The following FBXW7 variants were observed in gnomAD, a reference collection of about 807,000 sequenced individuals.
The protein encoded by FBXW7 is F-box/WD repeat-containing protein 7.
Under a neutral mutation model 86.3 loss-of-function variants are expected in FBXW7, and 11 were observed. The observed-to-expected ratio is 0.13, with a 90% confidence interval of 0.08 to 0.21. The LOEUF is 0.21. Ranked by LOEUF, FBXW7 falls within the 10% of genes least tolerant of loss-of-function variation. The pLI, the probability that FBXW7 is intolerant of heterozygous loss-of-function variation, is 1.00. For missense variants in FBXW7, 488 were observed against 847.4 expected (o/e 0.58, Z 5.27); for synonymous variants, 313 against 297.9 (o/e 1.05, Z -0.52).
At chr4:152,457,915 C>T (rs1742578353) in intron 2 of FBXW7, among the ~76,000 whole-genome samples, 1 of 151,212 alleles carries the variant, frequency 6.6e-6, no homozygotes, top group South Asian at 2.1e-4. Context: ...TTCTCTTCTA[C>T]TCATATCTTC....
At chr4:152,519,822 A>G (rs1748840172) in intron 2 of FBXW7, among the ~76,000 whole-genome samples, 1 of 152,226 alleles carries the variant, frequency 6.6e-6, no homozygotes, top group African/African-American at 2.4e-5. Flanking sequence ...ATGCATGATT[A>G]AAAGCATAGA....
chr4:152,327,252 C>G (rs1211072429), intron 11 of FBXW7, among the ~76,000 whole-genome samples: 1 of 152,004 alleles, frequency 6.6e-6, no homozygotes, highest in Non-Finnish European at 1.5e-5. Context: ...CAGTATAGCA[C>G]ACTGTTCAAA....
At chr4:152,457,938 A>G (rs1742581794) in intron 2 of FBXW7, among the ~76,000 whole-genome samples, 1 of 125,628 alleles carries the variant, frequency 8.0e-6, no homozygotes, top group Admixed American at 7.8e-5. Flanking sequence ...CACCCCTACT[A>G]AAAAAAAAAA....
At chr4:152,350,307 G>C (rs924512945) in intron 4 of FBXW7, among the ~76,000 whole-genome samples, 183 bp from the exon 5 acceptor site, 2 of 151,520 alleles carry the variant, frequency 1.3e-5, no homozygotes, top group African/African-American at 4.8e-5. Context: ...TGAATGGAAT[G>C]GAAAGGTGAA....
At chr4:152,405,095 T>TAAAAAAA (rs11394424) in intron 4 of FBXW7, among the ~76,000 whole-genome samples, 1 of 79,052 alleles carries the variant, frequency 1.3e-5, no homozygotes, top group African/African-American at 5.1e-5. Flanking sequence ...GACCTTGTCT[T>TAAAAAAA]AAAAAAAAAA....
chr4:152,424,246 C>T (rs1010265777), intron 2 of FBXW7, among the ~76,000 whole-genome samples: 2 of 152,112 alleles, frequency 1.3e-5, no homozygotes, highest in African/African-American at 4.8e-5. Context: ...TTTCTACCCC[C>T]ACAAGCAGCC....
chr4:152,340,467 G>A (rs533608964), intron 6 of FBXW7, among the ~76,000 whole-genome samples: 5 of 150,160 alleles, frequency 3.3e-5, no homozygotes, highest in African/African-American at 7.3e-5. Flanking sequence ...TAGTCCCGGC[G>A]ACTTGGGAGG....
rs149313737 is a variant in FBXW7 at position 152,401,010 on chromosome 4, G to A, written c.501+10293C>T. On this transcript the variant is annotated intron_variant, in intron 4 of 13. Transcript: ENST00000281708. ...AAAGAGATACCATACACACCTATCA[G>A]AATGGTCAAAATCCAGAACACTGAC... is the stretch of plus-strand genomic sequence containing the variant. Among the ~76,000 whole-genome samples the A allele has an allele frequency of 5.3e-5, 8 of 152,276 alleles. No homozygotes were observed. The East Asian group carries it at 1.5e-3, about 29-fold the overall frequency.
intron 4 of FBXW7, chr4:152,352,713 G>A (rs185903577): frequency 6.9e-5 from 111 of 1,613,744 alleles, no homozygotes; most frequent in South Asian, 3.3e-5. Context: ...GTATCAAACC[G>A]CTTCTCGGGA....
chr4:152,346,989 G>A lies in FBXW7; in HGVS notation c.667C>T (p.Arg223Cys), dbSNP rs752259687. Residue 223 changes from arginine (R) to cysteine (C), a missense_variant, in exon 6 of 14, where the codon CGC (arginine) becomes TGC (cysteine). Physicochemically the swap from Arg to Cys is radical, Grantham distance 180 (BLOSUM62 -3). Coordinates refer to ENST00000281708, the MANE Select transcript of FBXW7 (RefSeq NM_001349798.2). The part of the protein sequence containing the change: ...RAANGQGQQR[R>C]RITSVQPPTG... ...GGTGGCTGGACAGATGTAATTCGGC[G>A]TCGTTGTTGCCCTTGGCCATTGGCT... The A allele has an allele frequency of 6.2e-6, 10 of 1,613,248 alleles. No individual in the cohort carries two copies. The highest frequency in any genetic ancestry group is 2.2e-5 in the East Asian group (1 of 44,852).
chr4:152,372,881 C>T (rs1283949540), intron 4 of FBXW7, among the ~76,000 whole-genome samples: 2 of 152,044 alleles, frequency 1.3e-5, no homozygotes, highest in South Asian at 2.1e-4. Context: ...TGTGCTAAGT[C>T]GCTTTGTACT....
chr4:152,483,251 T>G (rs1333254525), intron 2 of FBXW7, among the ~76,000 whole-genome samples: 2 of 152,110 alleles, frequency 1.3e-5, no homozygotes, highest in Non-Finnish European at 2.9e-5. Context: ...TTTTAGAAGG[T>G]CTTTATTATG....
chr4:152,520,306 G>A (rs1003684381), intron 2 of FBXW7, among the ~76,000 whole-genome samples: 9 of 151,814 alleles, frequency 5.9e-5, no homozygotes, highest in Middle Eastern at 3.4e-3. Flanking sequence ...GGTGGCGGGC[G>A]CCTGTAGTCC....
chr4:152,480,525 G>C (rs1744789915), intron 2 of FBXW7, among the ~76,000 whole-genome samples: 2 of 152,084 alleles, frequency 1.3e-5, no homozygotes, highest in African/African-American at 2.4e-5. Context: ...TAAATCAAAA[G>C]TTGGAAATAA....
chr4:152,470,510 T>C (rs902200536), intron 2 of FBXW7, among the ~76,000 whole-genome samples: 2 of 152,144 alleles, frequency 1.3e-5, no homozygotes, highest in Non-Finnish European at 2.9e-5. Context: ...ATTAAAAAAT[T>C]AACATGAGGA....
At chr4:152,444,182 T>G (rs929477028) in intron 2 of FBXW7, among the ~76,000 whole-genome samples, 9 of 152,196 alleles carry the variant, frequency 5.9e-5, no homozygotes, top group African/African-American at 2.2e-4. Context: ...CCTAAGACCA[T>G]ATGCACTATA....
At position 152,322,311 on chromosome 4, in the gene FBXW7, TGG is replaced by T. The variant is rs1728613794; in HGVS notation, c.*568_*569del. On this transcript the variant is annotated 3_prime_UTR_variant, in exon 14 of 14. Transcript: ENST00000281708. ...GGCTAATACTGTGATTGATTGACATTGGCAATGGTTGGCAAAAAAAAAAAAAA... is the reference window on the plus strand; with the variant it reads ...GGCTAATACTGTGATTGATTGACATTCAATGGTTGGCAAAAAAAAAAAAAA... 1 of 207,742 alleles carries T rather than the reference TGG, an allele frequency of 4.8e-6. No individual in the cohort carries two copies. The highest frequency in any genetic ancestry group is 9.0e-6 in the Non-Finnish European group (1 of 110,662). 12.9% of individuals were successfully genotyped at this position (207,742 alleles called of 1,614,324 possible).
In FBXW7 at chr4:152,535,497, CG is replaced by C. The variant is rs1465190150; in HGVS notation, c.-584del. On this transcript the variant is annotated 5_prime_UTR_variant, in exon 1 of 14. It introduces an in-frame stop codon into an upstream open reading frame of the 5' UTR. Transcript: ENST00000281708. ...ACATCGGGGTCCCCGCCCCCCCGGCCGGGGGGTGGTTGCCGAGCTTGGTTGG... is the reference window on the plus strand; with the variant it reads ...ACATCGGGGTCCCCGCCCCCCCGGCCGGGGGTGGTTGCCGAGCTTGGTTGG... 1.0e-5 allele frequency: 4 copies of C among 394,862 alleles called. No homozygotes were observed. Among genetic ancestry groups the C allele is most frequent in the East Asian group, 7.2e-5 (2 of 27,896 alleles). 24.5% of individuals were successfully genotyped at this position (394,862 alleles called of 1,614,324 possible).
intron 2 of FBXW7, among the ~76,000 whole-genome samples, chr4:152,436,756 A>G (rs1207264607): frequency 6.6e-6 from 1 of 151,992 alleles, no homozygotes; most frequent in Non-Finnish European, 1.5e-5. Flanking sequence ...GGCTAAATAT[A>G]CTCTCCCTGT....
Sources: allele counts gnomAD v4.1 joint callset (sites outside exome capture counted in the v4.1 genomes callset), GRCh38; gene constraint gnomAD v4.1.1; transcripts MANE v1.5; gene names NCBI Gene and HGNC (gene_info 2026-07-23, HGNC 2026-07-21).